Variants in RBM27 observed in about 807,000 individuals in gnomAD.
The protein encoded by RBM27 is RNA binding motif protein 27.
Under a neutral mutation model 135.3 loss-of-function variants are expected in RBM27, and 22 were observed. The ratio of observed to expected loss-of-function variants is 0.16; its 90% CI spans 0.12 to 0.23. The LOEUF is 0.23. Among genes scored for constraint, RBM27 ranks in the 10% least tolerant of loss-of-function variants. The pLI, the probability that RBM27 is intolerant of heterozygous loss-of-function variation, is 1.00. For missense variants in RBM27, 1,009 were observed against 1,281.0 expected, an observed-to-expected ratio of 0.79 and a Z score of 3.24; for synonymous variants, 481 against 442.4, an observed-to-expected ratio of 1.09 and a Z score of -1.10.
At position 146,287,798 on chromosome 5, in the gene RBM27, C is replaced by T. The variant is rs1759642695; in HGVS notation, c.*1768C>T. 2 of 151,962 alleles carry T rather than the reference C, an allele frequency of 1.3e-5. No homozygotes were observed. Among genetic ancestry groups the T allele is most frequent in the Admixed American group, 1.3e-4 (2 of 15,242 alleles). 9.4% of individuals were successfully genotyped at this position (151,962 alleles called of 1,614,324 possible). A position where few individuals can be genotyped will look rare whatever the true frequency, so the allele number is the denominator to read the frequency against. ...GGTTATTGTTATATTTCTAGTAACA[C>T]TGAAGGTAAAATAAGCTTATAAAAG... On this transcript the variant is annotated 3_prime_UTR_variant, in exon 21 of 21. Coordinates refer to ENST00000265271, the MANE Select transcript of RBM27 (RefSeq NM_018989.2).
intron 19 of RBM27, among the ~76,000 whole-genome samples, chr5:146,275,406 G>A (rs887702100): frequency 6.6e-6 from 1 of 151,784 alleles, no homozygotes; most frequent in Non-Finnish European, 1.5e-5. Flanking sequence ...CAGTAGTTGG[G>A]ATTACAGGCG....
intron 13 of RBM27, among the ~76,000 whole-genome samples, chr5:146,262,374 G>T (rs1758436356): frequency 6.6e-6 from 1 of 152,090 alleles, no homozygotes; most frequent in Non-Finnish European, 1.5e-5. Flanking sequence ...TTCTAAAAAT[G>T]GGAATAGAAG....
chr5:146,227,525 T>C (rs1268957877), intron 3 of RBM27, among the ~76,000 whole-genome samples: 3 of 152,220 alleles, frequency 2.0e-5, no homozygotes, highest in Non-Finnish European at 2.9e-5. Context: ...ATTTGTGTAT[T>C]TGTCAGTGAG....
chr5:146,275,559 G>A (rs900762344), intron 19 of RBM27, among the ~76,000 whole-genome samples: 4 of 151,898 alleles, frequency 2.6e-5, no homozygotes, highest in African/African-American at 4.8e-5. Context: ...GAGCCACTGC[G>A]CCCGGCCCAG....
rs1759678121 is a variant in RBM27 at position 146,288,669 on chromosome 5, T to G, written c.*2639T>G. The G allele has an allele frequency of 6.6e-6, 1 of 152,104 alleles. No individual in the cohort carries two copies. The highest frequency in any genetic ancestry group is 2.1e-4 in the South Asian group (1 of 4,828). 9.4% of individuals were successfully genotyped at this position (152,104 alleles called of 1,614,324 possible). ...TGTCCCTCTTAATGTGTATGACATCTTTTTAAGTAGCTGATCAGCAATAAT... is the reference window on the plus strand; with the variant it reads ...TGTCCCTCTTAATGTGTATGACATCGTTTTAAGTAGCTGATCAGCAATAAT... On this transcript the variant is annotated 3_prime_UTR_variant, in exon 21 of 21. Transcript: ENST00000265271.
chr5:146,225,890 T>A (rs1482753657), intron 3 of RBM27, among the ~76,000 whole-genome samples: 1 of 151,274 alleles, frequency 6.6e-6, no homozygotes, highest in Non-Finnish European at 1.5e-5. Flanking sequence ...TTAGACAGAG[T>A]CTCATTCTGT....
At chr5:146,253,251 C>T (rs1275213486) in intron 9 of RBM27, among the ~76,000 whole-genome samples, 1 of 152,132 alleles carries the variant, frequency 6.6e-6, no homozygotes, top group Non-Finnish European at 1.5e-5. Context: ...CCACCTTGGC[C>T]TCCCAAAGTG....
rs952512585 is a variant in RBM27 at position 146,286,389 on chromosome 5, T to C, written c.*359T>C. ...ATTATAATCTACTGATAAAATTTAA[T>C]TAAATGTCAAAATCACCTGTAATCT... On this transcript the variant is annotated 3_prime_UTR_variant, in exon 21 of 21. Coordinates refer to ENST00000265271, the MANE Select transcript of RBM27 (RefSeq NM_018989.2). 6.3e-6 allele frequency: 1 copy of C among 159,476 alleles called. No homozygotes were observed. Among genetic ancestry groups the C allele is most frequent in the Middle Eastern group, 2.8e-3 (1 of 352 alleles). The allele number at this position is 159,476 out of a possible 1,614,324, so 9.9% of individuals were successfully genotyped here. A position where few individuals can be genotyped will look rare whatever the true frequency, so the allele number is the denominator to read the frequency against.
At chr5:146,213,481 T>C (rs376574628) in intron 1 of RBM27, among the ~76,000 whole-genome samples, 3 of 151,930 alleles carry the variant, frequency 2.0e-5, no homozygotes, top group African/African-American at 7.3e-5. Context: ...CAGAAGCACA[T>C]GTATTAGTTG....
intron 6 of RBM27, among the ~76,000 whole-genome samples, chr5:146,232,454 A>C (rs1756979689): frequency 6.6e-6 from 1 of 152,210 alleles, no homozygotes; most frequent in Non-Finnish European, 1.5e-5. Context: ...AAATACTAGT[A>C]TGCTACTCAT....
intron 3 of RBM27, among the ~76,000 whole-genome samples, chr5:146,225,864 A>G (rs1042347572): frequency 6.6e-6 from 1 of 150,588 alleles, no homozygotes; most frequent in Admixed American, 6.6e-5. Flanking sequence ...GCAGCTGGCC[A>G]CCTTTCTGGT....
intron 1 of RBM27, among the ~76,000 whole-genome samples, chr5:146,211,703 A>G (rs371569969): frequency 2.0e-5 from 3 of 150,256 alleles, no homozygotes; most frequent in East Asian, 2.0e-4. Flanking sequence ...CTGGTCTCGA[A>G]CTCCTGACCT....
intron 8 of RBM27, among the ~76,000 whole-genome samples, chr5:146,241,479 T>C (rs1299284701): frequency 6.6e-6 from 1 of 152,192 alleles, no homozygotes; most frequent in Non-Finnish European, 1.5e-5. Flanking sequence ...TAGAACTGTA[T>C]TTCCAAATTA....
intron 8 of RBM27, among the ~76,000 whole-genome samples, chr5:146,248,177 A>C (rs1191640353): frequency 1.4e-5 from 2 of 146,470 alleles, no homozygotes; most frequent in Non-Finnish European, 3.0e-5. Flanking sequence ...GTCTTTTTTG[A>C]TGTTCAGATT....
At chr5:146,208,043 G>A (rs1464372765) in intron 1 of RBM27, among the ~76,000 whole-genome samples, 1 of 141,438 alleles carries the variant, frequency 7.1e-6, no homozygotes, top group African/African-American at 2.7e-5. Context: ...TGCAACTTCT[G>A]CCTCCCGGGT....
chr5:146,204,585 C>G (rs562360645), intron 1 of RBM27, among the ~76,000 whole-genome samples: 1 of 152,204 alleles, frequency 6.6e-6, no homozygotes, highest in South Asian at 2.1e-4. Context: ...GTTGAAAGGG[C>G]TACACTGGTA....
intron 1 of RBM27, among the ~76,000 whole-genome samples, chr5:146,213,515 C>A (rs965578670): frequency 1.3e-5 from 2 of 151,998 alleles, no homozygotes; most frequent in African/African-American, 4.8e-5. Flanking sequence ...AGAAAGAGCA[C>A]ATTAAGATGG....
At chr5:146,250,019 G>A (rs1425355848) in intron 8 of RBM27, among the ~76,000 whole-genome samples, 1 of 152,148 alleles carries the variant, frequency 6.6e-6, no homozygotes, top group Non-Finnish European at 1.5e-5. Flanking sequence ...ACGAAGAAAA[G>A]GGTAGTGAAG....
In RBM27 at chr5:146,267,725, G is replaced by T. The variant is rs1758678388; in HGVS notation, c.2408G>T (p.Gly803Val). The T allele has an allele frequency of 6.2e-7, 1 of 1,607,030 alleles. No individual in the cohort carries two copies. The highest frequency in any genetic ancestry group is 8.5e-7 in the Non-Finnish European group (1 of 1,177,230). The change falls in exon 15 of 21, where the codon GGG becomes GTG. Residue 803 changes from glycine to valine, a missense_variant. Transcript: ENST00000265271. ...NLKTPSKLCS[G>V]SKSHDVQEVL... ...AAGACACCTTCAAAGCTCTGTTCAG[G>T]GTCTAAATCTCATGATGTTCAAGAA...
Sources: allele counts gnomAD v4.1 joint callset (sites outside exome capture counted in the v4.1 genomes callset), GRCh38; gene constraint gnomAD v4.1.1; transcripts MANE v1.5; gene names NCBI Gene and HGNC (gene_info 2026-07-23, HGNC 2026-07-21).